Variants in RAB3GAP2 observed in about 807,000 individuals in gnomAD.
RAB3GAP2 encodes RAB3 GTPase activating non-catalytic protein subunit 2, also known as rab3 GTPase-activating protein non-catalytic subunit.
In RAB3GAP2, 87 loss-of-function variants were observed where a neutral mutation model predicts 185.3. That is an observed-to-expected ratio of 0.47 (90% confidence interval 0.39 to 0.56). The LOEUF is 0.56. Among genes scored for constraint, RAB3GAP2 ranks in the 20% least tolerant of loss-of-function variants. RAB3GAP2 has a pLI of 0.00. For synonymous variants in RAB3GAP2, 554 were observed against 576.1 expected (o/e 0.96, Z 0.55); for missense variants, 1,492 against 1,638.2 (o/e 0.91, Z 1.54).
intron 1 of RAB3GAP2, chr1:220,254,574 C>T (rs1254535355): frequency 1.3e-5 from 20 of 1,540,082 alleles, no homozygotes; most frequent in East Asian, 6.7e-5. Flanking sequence ...TTTGGATCTC[C>T]GTAAACACAT....
chr1:220,241,872 T>C (rs112656289), intron 1 of RAB3GAP2, among the ~76,000 whole-genome samples: 3,324 of 152,076 alleles, frequency 0.022, 107 homozygotes, highest in African/African-American at 0.068. Flanking sequence ...TATTTATTTT[T>C]TATATCCAAA....
chr1:220,177,907 T>G (rs1033016315), intron 21 of RAB3GAP2, among the ~76,000 whole-genome samples: 1 of 152,058 alleles, frequency 6.6e-6, no homozygotes, highest in Non-Finnish European at 1.5e-5. Context: ...AAATAAGTAA[T>G]AACAGAAAAC....
intron 8 of RAB3GAP2, 110 bp downstream of exon 8, chr1:220,205,797 C>G (rs745388489): frequency 1.6e-4 from 131 of 809,582 alleles, no homozygotes; most frequent in Middle Eastern, 5.9e-4. Context: ...TCCCATAAAT[C>G]TAGTTCAGAA....
At chr1:220,220,223 C>T (rs552815225) in intron 2 of RAB3GAP2, 2 of 152,350 alleles carry the variant, frequency 1.3e-5, no homozygotes, top group Admixed American at 6.5e-5. Context: ...CCCCCATCAT[C>T]GTCGTTGTGG....
intron 31 of RAB3GAP2, chr1:220,154,327 G>A (rs1405969770): frequency 2.6e-6 from 1 of 381,360 alleles, no homozygotes; most frequent in Non-Finnish European, 4.8e-6. Context: ...AGCAACAGAA[G>A]CAGGTAGAGG....
At chr1:220,190,572 C>T (rs972744266) in intron 14 of RAB3GAP2, 52 bp from the exon 15 acceptor site, 1 of 1,529,630 alleles carries the variant, frequency 6.5e-7, no homozygotes. Context: ...AGGAGAAATG[C>T]CAAAAGGTGC....
At chr1:220,270,251 A>T (rs78359370) in intron 1 of RAB3GAP2, among the ~76,000 whole-genome samples, 10,490 of 152,234 alleles carry the variant, frequency 0.069, 484 homozygotes, top group South Asian at 0.12. Flanking sequence ...TCTTCCCAGT[A>T]ACCTCTACTT....
chr1:220,193,093 G>T, intron 13 of RAB3GAP2, 147 bp downstream of exon 13: 2 of 902,928 alleles, frequency 2.2e-6, no homozygotes, highest in Non-Finnish European at 3.4e-6. Flanking sequence ...CCAAGTGGTT[G>T]CTGATCTGAG....
chr1:220,169,929 G>A (rs565090044), intron 24 of RAB3GAP2, among the ~76,000 whole-genome samples: 6 of 152,174 alleles, frequency 3.9e-5, no homozygotes, highest in Middle Eastern at 3.4e-3. Context: ...GTATATACCC[G>A]AAGGATTATA....
chr1:220,169,504 A>C (rs1213155273), intron 24 of RAB3GAP2, among the ~76,000 whole-genome samples: 1 of 152,346 alleles, frequency 6.6e-6, no homozygotes, highest in East Asian at 1.9e-4. Context: ...TTGAAAGATA[A>C]GTAAGATTTC....
intron 2 of RAB3GAP2, among the ~76,000 whole-genome samples, chr1:220,230,258 GA>G (rs1214627601): frequency 6.6e-6 from 1 of 152,154 alleles, no homozygotes; most frequent in East Asian, 1.9e-4. Flanking sequence ...ATCTTCACAT[GA>G]GCTCTGAATG....
intron 2 of RAB3GAP2, among the ~76,000 whole-genome samples, chr1:220,223,641 T>C (rs1659348672): frequency 6.6e-6 from 1 of 152,016 alleles, no homozygotes; most frequent in South Asian, 2.1e-4. Flanking sequence ...CTCACAGTCT[T>C]GTTTCCCAAT....
intron 2 of RAB3GAP2, 93 bp downstream of exon 2, chr1:220,232,706 T>C (rs1659523266): frequency 8.4e-7 from 1 of 1,189,384 alleles, no homozygotes; most frequent in Non-Finnish European, 1.3e-6. Flanking sequence ...GACATCGAAT[T>C]TAAAATGTCA....
intron 21 of RAB3GAP2, among the ~76,000 whole-genome samples, chr1:220,174,044 G>C (rs1006676070): frequency 7.3e-6 from 1 of 136,422 alleles, no homozygotes; most frequent in Non-Finnish European, 1.6e-5. Flanking sequence ...AAAAAGAAAA[G>C]AAAAGAACTA....
At position 220,158,199 on chromosome 1, in the gene RAB3GAP2, C is replaced by T. The variant is rs1219835233; in HGVS notation, c.3262-323G>A. 6.6e-6 allele frequency among the ~76,000 whole-genome samples: 1 copy of T among 152,198 alleles called. No homozygotes were observed. Among genetic ancestry groups the T allele is most frequent in the Non-Finnish European group, 1.5e-5 (1 of 68,034 alleles). On this transcript the variant is annotated intron_variant, in intron 29 of 34. Transcript: ENST00000358951. The surrounding 1 kb of genome is among the most constrained non-coding windows in gnomAD (Gnocchi z 4.3). ...GAGCTCACTGTTCAGCTTGCTAAGG[C>T]ATCTGGTAGCCAAATAATCGTGGTA...
Position 220,190,142 on chromosome 1 carries a change from T to TGA in RAB3GAP2, c.1635_1636insTC (p.Lys546SerfsTer12). The TGA allele has an allele frequency of 6.2e-7, 1 of 1,611,198 alleles. No homozygotes were observed. The highest frequency in any genetic ancestry group is 8.5e-7 in the Non-Finnish European group (1 of 1,177,436). On this transcript the variant is annotated frameshift_variant, in exon 16 of 35. Transcript: ENST00000358951. LOFTEE classifies it high-confidence loss of function. ...ATATCCTTGGCTCGTTCACTCTTCTTATCACTAAACCAATAAATATAACAA... is the reference window on the plus strand; with the variant it reads ...ATATCCTTGGCTCGTTCACTCTTCTTGAATCACTAAACCAATAAATATAACAA...
intron 15 of RAB3GAP2, 110 bp from the exon 16 acceptor site, chr1:220,190,256 G>A (rs1658590044): frequency 6.6e-7 from 1 of 1,513,048 alleles, no homozygotes; most frequent in African/African-American, 1.4e-5. Context: ...TAACTTTAAA[G>A]ATATCAGTCT....
At chr1:220,188,652 T>C (rs774739806) in intron 17 of RAB3GAP2, among the ~76,000 whole-genome samples, 1 of 152,180 alleles carries the variant, frequency 6.6e-6, no homozygotes, top group African/African-American at 2.4e-5. Context: ...ACTAGTACAG[T>C]TGAAGAAGCT....
At chr1:220,265,818 A>G (rs1660217850) in intron 1 of RAB3GAP2, among the ~76,000 whole-genome samples, 1 of 152,020 alleles carries the variant, frequency 6.6e-6, no homozygotes. Context: ...CTAGCAACAC[A>G]GGAGACTGAG....
Sources: gnomAD v4.1 joint callset for allele counts (sites outside exome capture counted in the v4.1 genomes callset) on GRCh38, gnomAD v4.1.1 for gene constraint, Gnocchi (gnomAD v3.1) non-coding constraint, MANE v1.5 for transcripts, NCBI Gene and HGNC (gene_info 2026-07-23, HGNC 2026-07-21) for gene names.